ANKRD26: variants seen among roughly 807,000 people sequenced by gnomAD.
The protein encoded by ANKRD26 is ankyrin repeat domain-containing protein 26.
Under a neutral mutation model 208.7 loss-of-function variants are expected in ANKRD26, and 141 were observed. The ratio of observed to expected loss-of-function variants is 0.68; its 90% CI spans 0.59 to 0.78. ANKRD26 has a LOEUF of 0.78. Among genes scored for constraint, ANKRD26 ranks in the 30% least tolerant of loss-of-function variants. The pLI is 0.00. For synonymous variants in ANKRD26, 636 were observed against 660.4 expected (o/e 0.96, Z 0.57); for missense variants, 1,889 against 1,938.7 (o/e 0.97, Z 0.48).
intron 3 of ANKRD26, among the ~76,000 whole-genome samples, chr10:26,983,694 G>T (rs2052342102): frequency 6.6e-6 from 1 of 152,134 alleles, no homozygotes; most frequent in African/African-American, 2.4e-5. Flanking sequence ...TTTGGGTGTG[G>T]TTATCACCCA....
intron 23 of ANKRD26, 135 bp downstream of exon 23, chr10:27,037,051 A>T: frequency 1.2e-6 from 1 of 828,672 alleles, no homozygotes; most frequent in Non-Finnish European, 1.8e-6. Flanking sequence ...CACTACCACT[A>T]CCCCAAGATA....
chr10:27,098,436 G>T (rs2056535951), intron 1 of ANKRD26, among the ~76,000 whole-genome samples: 1 of 152,048 alleles, frequency 6.6e-6, no homozygotes, highest in Non-Finnish European at 1.5e-5. Flanking sequence ...TCTTCCCAAG[G>T]ATTACTTCAT....
chr10:27,077,610 T>A, intron 8 of ANKRD26, 23 bp downstream of exon 8: 1 of 1,612,738 alleles, frequency 6.2e-7, no homozygotes, highest in South Asian at 1.1e-5. Flanking sequence ...AACACAAGAA[T>A]AAGCAGTTTT....
chr10:26,970,440 T>G (rs1312529335), downstream of ANKRD26, among the ~76,000 whole-genome samples: 1 of 152,104 alleles, frequency 6.6e-6, no homozygotes, highest in African/African-American at 2.4e-5. Flanking sequence ...ATCTAGCTGT[T>G]TGAAAATATG....
In ANKRD26 at chr10:27,079,099, A is replaced by G. The variant is rs1324923680; in HGVS notation, c.803T>C (p.Phe268Ser). 6.2e-7 allele frequency: 1 copy of G among 1,613,184 alleles called. No individual in the cohort carries two copies. The highest frequency in any genetic ancestry group is 1.7e-5 in the Admixed American group (1 of 59,988). ...GAGAGAGCACTTTACCTTAGTATCA[A>G]AATTGAGGTCTTCGTCATCTGAGGT... ...WPTSDDEDLN[F>S]DTKNVPKPSL... is the part of the protein sequence containing the mutation. The change falls in exon 7 of 34, where the codon TTT becomes TCT. Residue 268 changes from phenylalanine (F) to serine (S), a missense_variant. Phe to Ser is a radical substitution (Grantham distance 155, BLOSUM62 -2). Transcript: ENST00000376087.
chr10:26,963,902 G>GTTTTTTTTTT, the ANKRD26 span, among the ~76,000 whole-genome samples: 5 of 66,974 alleles, frequency 7.5e-5, 1 homozygote, highest in African/African-American at 1.9e-4. Flanking sequence ...ATGGTTGGTT[G>GTTTTTTTTTT]GTTTTTTTTT....
intron 15 of ANKRD26, among the ~76,000 whole-genome samples, chr10:27,054,626 T>C (rs2054780248): frequency 6.6e-6 from 1 of 152,100 alleles, no homozygotes; most frequent in African/African-American, 2.4e-5. Flanking sequence ...CTAGAGATCA[T>C]GCCTGAGTTG....
At chr10:27,063,443 C>A (rs1467039598) in intron 12 of ANKRD26, among the ~76,000 whole-genome samples, 4 of 152,218 alleles carry the variant, frequency 2.6e-5, no homozygotes, top group Non-Finnish European at 5.9e-5. Context: ...GCCTCAGCCT[C>A]CCAAGTAGCT....
the ANKRD26 span, among the ~76,000 whole-genome samples, chr10:26,951,811 T>C: frequency 6.6e-6 from 1 of 152,232 alleles, no homozygotes; most frequent in Non-Finnish European, 1.5e-5. Flanking sequence ...ATTTTCTAAA[T>C]TTGATGCTTT....
chr10:26,955,434 A>AT, the ANKRD26 span, among the ~76,000 whole-genome samples: 123 of 152,174 alleles, frequency 8.1e-4, no homozygotes, highest in African/African-American at 2.8e-3. Context: ...ATCTCAAAAA[A>AT]AAAAATATAT....
intron 4 of ANKRD26, among the ~76,000 whole-genome samples, chr10:27,087,684 C>T (rs80254925): frequency 0.021 from 3,124 of 152,250 alleles, 149 homozygotes; most frequent in East Asian, 0.15. Flanking sequence ...GTTTAGACAA[C>T]GACTTTTGCT....
chr10:27,016,958 C>T (rs1157189491), intron 30 of ANKRD26, among the ~76,000 whole-genome samples: 1 of 152,028 alleles, frequency 6.6e-6, no homozygotes, highest in Non-Finnish European at 1.5e-5. Context: ...GAGACCTAAG[C>T]AGGAGGATCA....
At chr10:27,061,310 A>C (rs900059319) in intron 12 of ANKRD26, 68 bp from the exon 13 acceptor site, 27 of 1,005,590 alleles carry the variant, frequency 2.7e-5, no homozygotes, top group Non-Finnish European at 3.7e-5. Context: ...TTTAATTGCC[A>C]CAGAATTAGA....
intron 6 of ANKRD26, chr10:27,081,025 C>T (rs916954182): frequency 1.1e-6 from 1 of 886,832 alleles, no homozygotes; most frequent in Non-Finnish European, 1.4e-6. Flanking sequence ...GGGCTCAAAG[C>T]CACCGATAAG....
chr10:27,086,734 A>C, intron 4 of ANKRD26, 125 bp from the exon 5 acceptor site: 1 of 1,065,206 alleles, frequency 9.4e-7, no homozygotes, highest in East Asian at 3.0e-5. Context: ...ATTATCCCAT[A>C]CACTTCAAAT....
intron 4 of ANKRD26, among the ~76,000 whole-genome samples, chr10:27,089,745 C>T (rs2056237811): frequency 1.3e-5 from 2 of 152,218 alleles, no homozygotes; most frequent in African/African-American, 2.4e-5. Flanking sequence ...GACCTGTGAT[C>T]GTGCCCCTGC....
rs926834454 is a variant in ANKRD26, at chr10:27,093,748, G to C, written c.294C>G (p.Leu98=). The change falls in exon 2 of 34, where the codon CTC becomes CTG. Residue 98 remains leucine, a synonymous_variant. Transcript: ENST00000376087. ...TGAGCTGGCATTTTCTGTCCACCAG[G>C]AGAGTTACTACTTCTGGATGACCAT... ...CANGHPEVVT[L]LVDRKCQLNV... The C allele has an allele frequency of 3.7e-6, 6 of 1,614,108 alleles. No individual in the cohort carries two copies. Among genetic ancestry groups the C allele is most frequent in the Non-Finnish European group, 5.1e-6 (6 of 1,180,052 alleles).
intron 4 of ANKRD26, among the ~76,000 whole-genome samples, chr10:27,090,432 A>G (rs542050504): frequency 1.3e-5 from 2 of 152,202 alleles, no homozygotes; most frequent in East Asian, 3.9e-4. Context: ...AGGTAATTTC[A>G]CCCCAGGAAC....
At chr10:27,057,976 C>T (rs1291747071) in intron 15 of ANKRD26, among the ~76,000 whole-genome samples, 1 of 151,650 alleles carries the variant, frequency 6.6e-6, no homozygotes, top group Non-Finnish European at 1.5e-5. Flanking sequence ...CAATGATGGC[C>T]TTAAGTGACC....
Sources: gnomAD v4.1 joint callset for allele counts (sites outside exome capture counted in the v4.1 genomes callset) on GRCh38, gnomAD v4.1.1 for gene constraint, MANE v1.5 for transcripts, NCBI Gene and HGNC (gene_info 2026-07-23, HGNC 2026-07-21) for gene names.